The following PIMREG variants were observed in gnomAD, a reference collection of about 807,000 sequenced individuals.
PIMREG encodes PICALM interacting mitotic regulator.
PIMREG carries 19 observed loss-of-function variants against 24.3 expected under a neutral mutation model. The ratio of observed to expected loss-of-function variants is 0.78; its 90% CI spans 0.54 to 1.15. PIMREG has a LOEUF of 1.15. Among genes scored for constraint, PIMREG ranks in the 50% most tolerant of loss-of-function variants. The pLI is 0.00. For missense variants in PIMREG, 283 were observed against 306.8 expected, an observed-to-expected ratio of 0.92 and a Z score of 0.58; for synonymous variants, 112 against 124.1, an observed-to-expected ratio of 0.90 and a Z score of 0.65.
At chr17:6,449,805 G>C (rs762589191) in intron 4 of PIMREG, 2 of 1,424,024 alleles carry the variant, frequency 1.4e-6, no homozygotes, top group African/African-American at 1.4e-5. Context: ...CCCCATCCTG[G>C]GGGCAGGGCC....
In PIMREG at chr17:6,447,513, G is replaced by A. The variant is rs763285646; in HGVS notation, c.345G>A (p.Gln115=). The change falls in exon 3 of 6, where the codon CAG becomes CAA. Residue 115 remains glutamine, a synonymous_variant. Transcript: ENST00000572447. Reference sequence around the variant, plus strand: ...GCACCAAGTGGCTGGTGGAGACCCAGGTGAAGGCCAGGAGGCGGAAGAGAG... The same window carrying A: ...GCACCAAGTGGCTGGTGGAGACCCAAGTGAAGGCCAGGAGGCGGAAGAGAG... The part of the protein sequence containing the change: ...QSGTKWLVET[Q]VKARRRKRGA... 1.4e-5 allele frequency: 23 copies of A among 1,613,972 alleles called. No homozygotes were observed. Among genetic ancestry groups the A allele is most frequent in the Middle Eastern group, 3.3e-4 (2 of 6,078 alleles).
Position 6,448,758 on chromosome 17 carries a change from C to T in PIMREG, c.591-554C>T, listed in dbSNP as rs116938267. Among the ~76,000 whole-genome samples, 110 of 152,250 alleles carry T rather than the reference C, an allele frequency of 7.2e-4. No individual in the cohort carries two copies. The East Asian group carries it at 0.016, about 23-fold the overall frequency. ...CCCTGGCAGTTTCCTGGTCCCATCT[C>T]GGAGCTCTCAGGGAAGGCTGCCTAG... On this transcript the variant is annotated intron_variant, in intron 3 of 5. Coordinates refer to ENST00000572447, the MANE Select transcript of PIMREG (RefSeq NM_019013.3).
chr17:6,446,968 C>T (rs935345299), intron 2 of PIMREG, among the ~76,000 whole-genome samples: 3 of 152,260 alleles, frequency 2.0e-5, no homozygotes, highest in Non-Finnish European at 2.9e-5. Context: ...GGGTCCCAGC[C>T]GTGGACTCAT....
Position 6,450,718 on chromosome 17 carries a change from C to A in PIMREG, c.*371C>A. Reference sequence around the variant, plus strand: ...ATATTTGAGAGCTCTTAGCTCTGTACCCGGGTGCCTGGTTTTTGGGGAGTC... The same window carrying A: ...ATATTTGAGAGCTCTTAGCTCTGTAACCGGGTGCCTGGTTTTTGGGGAGTC... On this transcript the variant is annotated 3_prime_UTR_variant, in exon 6 of 6. Coordinates refer to ENST00000572447, the MANE Select transcript of PIMREG (RefSeq NM_019013.3). 1 of 348,932 alleles carries A rather than the reference C, an allele frequency of 2.9e-6. No homozygotes were observed. The highest frequency in any genetic ancestry group is 5.2e-6 in the Non-Finnish European group (1 of 193,574). The allele number at this position is 348,932 out of a possible 1,614,324, so 21.6% of individuals were successfully genotyped here.
chr17:6,447,172 T>A (rs1913608489), intron 2 of PIMREG, among the ~76,000 whole-genome samples: 1 of 151,972 alleles, frequency 6.6e-6, no homozygotes, highest in South Asian at 2.1e-4. Flanking sequence ...AGTGCCATGG[T>A]GCGATCTCGG....
At position 6,447,610 on chromosome 17, in the gene PIMREG, C is replaced by T. The variant is rs1254336242; in HGVS notation, c.442C>T (p.Pro148Ser). The T allele has an allele frequency of 2.5e-6, 4 of 1,614,068 alleles. No individual in the cohort carries two copies. Among genetic ancestry groups the T allele is most frequent in the Non-Finnish European group, 1.7e-6 (2 of 1,179,976 alleles). Residue 148 changes from proline to serine, a missense_variant, in exon 3 of 6, where the codon CCT becomes TCT. Coordinates refer to ENST00000572447, the MANE Select transcript of PIMREG (RefSeq NM_019013.3). ...QKSTRLSGAA[P>S]AHSAADPWEK... ...GAGCACCCGGCTGTCTGGAGCCGCC[C>T]CTGCCCACTCAGCCGCAGACCCCTG...
Position 6,450,540 on chromosome 17 carries a change from T to C in PIMREG, c.*193T>C, listed in dbSNP as rs1913790871. 2.8e-6 allele frequency: 2 copies of C among 703,798 alleles called. No individual in the cohort carries two copies. The highest frequency in any genetic ancestry group is 4.6e-6 in the Non-Finnish European group (2 of 433,790). 43.6% of individuals were successfully genotyped at this position (703,798 alleles called of 1,614,324 possible). ...ACATCTGGACCCATCAGTGACTGCCTGCCATAGCCTGAGAGTGTCTTGGGG... is the reference window on the plus strand; with the variant it reads ...ACATCTGGACCCATCAGTGACTGCCCGCCATAGCCTGAGAGTGTCTTGGGG... On this transcript the variant is annotated 3_prime_UTR_variant, in exon 6 of 6. Coordinates refer to ENST00000572447, the MANE Select transcript of PIMREG (RefSeq NM_019013.3).
chr17:6,446,115 C>T (rs531398538), intron 2 of PIMREG: 1 of 399,548 alleles, frequency 2.5e-6, no homozygotes, highest in South Asian at 1.3e-4. Context: ...TCAGGAGCTG[C>T]CGAGAAGGTC....
rs1913812803 is a variant in PIMREG, at chr17:6,451,088, A to G, written c.*741A>G. ...TGACATCTGTTCCCTTTCACCGGCA[A>G]CCTCCAACCTCCCCCGCCCTCCCAC... On this transcript the variant is annotated 3_prime_UTR_variant, in exon 6 of 6. Transcript: ENST00000572447. 1 of 152,050 alleles carries G rather than the reference A, an allele frequency of 6.6e-6. No individual in the cohort carries two copies. Among genetic ancestry groups the G allele is most frequent in the Admixed American group, 6.6e-5 (1 of 15,252 alleles). 9.4% of individuals were successfully genotyped at this position (152,050 alleles called of 1,614,324 possible). A position where few individuals can be genotyped will look rare whatever the true frequency, so the allele number is the denominator to read the frequency against.
In PIMREG at chr17:6,445,139, C is replaced by T; in HGVS notation, c.29C>T (p.Thr10Ile). Residue 10 changes from threonine (T) to isoleucine (I), a missense_variant, in exon 2 of 6, where the codon ACC (threonine) becomes ATC (isoleucine). Thr to Ile is a moderately conservative substitution (Grantham distance 89). Coordinates refer to ENST00000572447, the MANE Select transcript of PIMREG (RefSeq NM_019013.3). ...GCTTCTCGGTGGCAGAACATGGGGA[C>T]CTCCGTGCGCCGGAGATCTCTCCAG... MASRWQNMGTSVRRRSLQHQ... is the reference protein window; with the variant it reads MASRWQNMGISVRRRSLQHQ... The T allele has an allele frequency of 1.3e-6, 2 of 1,596,570 alleles. No individual in the cohort carries two copies. Among genetic ancestry groups the T allele is most frequent in the South Asian group, 2.2e-5 (2 of 89,538 alleles).
intron 4 of PIMREG, 152 bp downstream of exon 4, chr17:6,449,559 G>A (rs960345400): frequency 5.7e-6 from 6 of 1,044,524 alleles, no homozygotes; most frequent in Non-Finnish European, 8.0e-6. Context: ...TCTCAAACAT[G>A]AGAAAGGACA....
Position 6,450,417 on chromosome 17 carries a change from C to G in PIMREG, c.*70C>G, listed in dbSNP as rs1361579756. ...CATACTCAAGGATGTCTATGCTTCC[C>G]CGTGAGCTTCCTGGAAAAAACCCCC... On this transcript the variant is annotated 3_prime_UTR_variant, in exon 6 of 6. Transcript: ENST00000572447. 1 of 1,569,624 alleles carries G rather than the reference C, an allele frequency of 6.4e-7. No individual in the cohort carries two copies. The highest frequency in any genetic ancestry group is 1.8e-5 in the Admixed American group (1 of 55,430).
rs1223993926 is a variant in PIMREG at position 6,445,061 on chromosome 17, C to T, written c.-35-15C>T. ...GGGAATGCCTTGCTGATCTGCCTTT[C>T]GCCCTCCTCCCCAGGGTCTAGTGGA... On this transcript the variant is annotated splice_polypyrimidine_tract_variant and intron_variant, in intron 1 of 5. Coordinates refer to ENST00000572447, the MANE Select transcript of PIMREG (RefSeq NM_019013.3). 3 of 1,499,816 alleles carry T rather than the reference C, an allele frequency of 2.0e-6. No homozygotes were observed. Among genetic ancestry groups the T allele is most frequent in the Non-Finnish European group, 2.7e-6 (3 of 1,123,272 alleles). 92.9% of individuals were successfully genotyped at this position (1,499,816 alleles called of 1,614,324 possible). A position where few individuals can be genotyped will look rare whatever the true frequency, so the allele number is the denominator to read the frequency against.
intron 4 of PIMREG, chr17:6,449,823 TG>T (rs1913745365): frequency 8.4e-6 from 12 of 1,425,244 alleles, no homozygotes; most frequent in Non-Finnish European, 1.1e-5. Context: ...GCCTCGGTTG[TG>T]GACCTCCCCT....
At chr17:6,446,300 G>A (rs1031476823) in intron 2 of PIMREG, 8 of 397,922 alleles carry the variant, frequency 2.0e-5, no homozygotes, top group Non-Finnish European at 3.5e-5. Context: ...TCCAGGGAGA[G>A]GATTGGGGGC....
chr17:6,446,028 C>T, intron 2 of PIMREG: 1 of 401,142 alleles, frequency 2.5e-6, no homozygotes, highest in Non-Finnish European at 4.4e-6. Context: ...TGCCCTTTAG[C>T]TACATGATGG....
intron 3 of PIMREG, 152 bp downstream of exon 3, chr17:6,447,910 T>C: frequency 1.4e-6 from 1 of 695,378 alleles, no homozygotes; most frequent in Admixed American, 2.9e-5. Flanking sequence ...AGCAGCGTCA[T>C]ATTGTATTAT....
chr17:6,449,782 T>G, intron 4 of PIMREG: 1 of 1,415,368 alleles, frequency 7.1e-7, no homozygotes, highest in South Asian at 1.6e-5. Context: ...GTTCCTGGTC[T>G]GTCTGCTCAT....
chr17:6,450,070 C>A lies in PIMREG; in HGVS notation c.*12C>A, dbSNP rs182717591. The A allele has an allele frequency of 4.3e-6, 7 of 1,613,958 alleles. No homozygotes were observed. The Admixed American group carries it at 6.7e-5, about 15-fold the overall frequency. On this transcript the variant is annotated splice_region_variant and 3_prime_UTR_variant, in exon 5 of 6. Coordinates refer to ENST00000572447, the MANE Select transcript of PIMREG (RefSeq NM_019013.3). ...TCATTCATGACTGAGGAAGTGCCTGCAGGTAATGCCCACCTCCCAAGAGTC... is the reference window on the plus strand; with the variant it reads ...TCATTCATGACTGAGGAAGTGCCTGAAGGTAATGCCCACCTCCCAAGAGTC...
Sources: gnomAD v4.1 joint callset for allele counts (sites outside exome capture counted in the v4.1 genomes callset) on GRCh38, gnomAD v4.1.1 for gene constraint, MANE v1.5 for transcripts, NCBI Gene and HGNC (gene_info 2026-07-23, HGNC 2026-07-21) for gene names.